The following BSN variants were observed in gnomAD, a reference collection of about 807,000 sequenced individuals.
The protein encoded by BSN is bassoon presynaptic cytomatrix protein, also known as protein bassoon.
In BSN, 57 loss-of-function variants were observed where a neutral mutation model predicts 264.8. That is an observed-to-expected ratio of 0.22 (90% CI 0.17 to 0.27). The LOEUF is 0.27. Among genes scored for constraint, BSN ranks in the 10% least tolerant of loss-of-function variants. The pLI is 1.00. For missense variants in BSN, 4,615 were observed against 5,232.5 expected (o/e 0.88, Z 3.64); for synonymous variants, 2,059 against 2,137.3 (o/e 0.96, Z 1.01).
rs750321596 is a variant in BSN at position 49,662,543 on chromosome 3, C to T, written c.10698C>T (p.Cys3566=). The T allele has an allele frequency of 6.9e-6, 11 of 1,591,922 alleles. No individual in the cohort carries two copies. The highest frequency in any genetic ancestry group is 5.3e-5 in the Admixed American group (3 of 56,890). Reference sequence around the variant, plus strand: ...GCTACATCCTGGATGATTCCCATTGCGTGGTTTCCGACAGCGAAGGTAATG... The same window carrying T: ...GCTACATCCTGGATGATTCCCATTGTGTGGTTTCCGACAGCGAAGGTAATG... ...EEGYILDDSH[C]VVSDSEAYHL... Residue 3566 remains cysteine (C), a synonymous_variant, in exon 6 of 12, where the codon TGC becomes TGT. Transcript: ENST00000296452.
intron 3 of BSN, among the ~76,000 whole-genome samples, chr3:49,643,987 G>A (rs932364733): frequency 1.3e-5 from 2 of 152,202 alleles, no homozygotes; most frequent in African/African-American, 4.8e-5. Context: ...AGGTGCCCTG[G>A]CAGAATTAGA....
At chr3:49,664,673 T>TG (rs2052698288) in intron 9 of BSN, 119 bp downstream of exon 9, 2 of 1,540,068 alleles carry the variant, frequency 1.3e-6, no homozygotes, top group South Asian at 2.4e-5. Context: ...CACCTGCTGA[T>TG]GCCCAGTTGT....
intron 1 of BSN, among the ~76,000 whole-genome samples, chr3:49,563,854 A>G (rs957337404): frequency 1.3e-5 from 2 of 152,170 alleles, no homozygotes; most frequent in Non-Finnish European, 2.9e-5. Flanking sequence ...AGATGATTCT[A>G]CTGCTGGAGA....
chr3:49,577,801 A>G (rs2051858035), intron 1 of BSN, among the ~76,000 whole-genome samples: 1 of 152,058 alleles, frequency 6.6e-6, no homozygotes, highest in Non-Finnish European at 1.5e-5. Flanking sequence ...CGGCCTCCCA[A>G]AGTGGTGGAA....
chr3:49,572,367 G>A (rs2051803872), intron 1 of BSN, among the ~76,000 whole-genome samples: 1 of 152,160 alleles, frequency 6.6e-6, no homozygotes, highest in Non-Finnish European at 1.5e-5. Context: ...GTGGGTGATG[G>A]ATCAAGGAAC....
chr3:49,600,006 C>T (rs1050248348), intron 1 of BSN, among the ~76,000 whole-genome samples: 1 of 152,202 alleles, frequency 6.6e-6, no homozygotes, highest in Admixed American at 6.5e-5. Context: ...GGGGCCTACA[C>T]AGGGATAGGC....
At chr3:49,664,980 G>C (rs2052701548) in intron 10 of BSN, 127 bp downstream of exon 10, 1 of 711,182 alleles carries the variant, frequency 1.4e-6, no homozygotes, top group South Asian at 1.6e-5. Context: ...TCAGTACCCA[G>C]AGCTGCAATG....
At position 49,655,143 on chromosome 3, in the gene BSN, G is replaced by C. The variant is rs772144606; in HGVS notation, c.5587G>C (p.Val1863Leu). Reference protein sequence around the residue: ...ALPGARKPHTVVVQMGEGTAG... With the variant: ...ALPGARKPHTLVVQMGEGTAG... Reference sequence around the variant, plus strand: ...GCCAGGTGCCAGGAAGCCACACACAGTGGTGGTGCAGATGGGAGAGGGCAC... The same window carrying C: ...GCCAGGTGCCAGGAAGCCACACACACTGGTGGTGCAGATGGGAGAGGGCAC... Residue 1863 changes from valine (V) to leucine (L), a missense_variant, in exon 5 of 12, where the codon GTG (valine) becomes CTG (leucine). By Grantham distance (32) the Val-to-Leu change is conservative. Around this residue, in one of 3 missense-constraint regions of BSN, gnomAD observed 3,415 missense variants for 3,866.4 expected, o/e 0.88. Coordinates refer to ENST00000296452, the MANE Select transcript of BSN (RefSeq NM_003458.4). 1.2e-5 allele frequency: 20 copies of C among 1,612,334 alleles called. No individual in the cohort carries two copies. Among genetic ancestry groups the C allele is most frequent in the Non-Finnish European group, 1.5e-5 (18 of 1,179,644 alleles).
At chr3:49,658,498 C>G (rs1450089625) in intron 5 of BSN, among the ~76,000 whole-genome samples, 1 of 152,218 alleles carries the variant, frequency 6.6e-6, no homozygotes, top group Non-Finnish European at 1.5e-5. Context: ...GGTCCAGCCC[C>G]TGCTACCTCC....
chr3:49,625,041 G>T lies in BSN; in HGVS notation c.291G>T (p.Lys97Asn), dbSNP rs771274778. The part of the protein sequence containing the change: ...GNQRAASPTP[K>N]QASATTPGHE... ...AGAGAGCAGCTTCCCCAACTCCGAA[G>T]CAGGCTTCTGCTACCACTCCTGGCC... Residue 97 changes from lysine (K) to asparagine (N), a missense_variant, in exon 2 of 12, where the codon AAG (lysine) becomes AAT (asparagine). By Grantham distance (94) the Lys-to-Asn change is moderately conservative. Transcript: ENST00000296452. This position sits in a 1 kb window ranked among gnomAD's most constrained non-coding sequence, Gnocchi z 4.4. 1.9e-6 allele frequency: 3 copies of T among 1,591,506 alleles called. No homozygotes were observed. Among genetic ancestry groups the T allele is most frequent in the Non-Finnish European group, 2.6e-6 (3 of 1,171,198 alleles).
At position 49,660,293 on chromosome 3, in the gene BSN, T is replaced by C. The variant is rs1286563626; in HGVS notation, c.8641-193T>C. Among the ~76,000 whole-genome samples the C allele has an allele frequency of 6.6e-6, 1 of 152,076 alleles. No homozygotes were observed. The highest frequency in any genetic ancestry group is 2.4e-5 in the African/African-American group (1 of 41,392). The stretch of plus-strand genomic sequence containing the variant: ...AGAAGGGCTGTAAAATAATCACAGA[T>C]CTTCCCTCTATGGCAAAGAAACCAA... On this transcript the variant is annotated intron_variant, in intron 5 of 11. Coordinates refer to ENST00000296452, the MANE Select transcript of BSN (RefSeq NM_003458.4). The surrounding 1 kb of genome is among the most constrained non-coding windows in gnomAD (Gnocchi z 7.1).
chr3:49,653,408 AAAG>A lies in BSN; in HGVS notation c.3856_3858del (p.Lys1286del), dbSNP rs778660395. On this transcript the variant is annotated inframe_deletion, in exon 5 of 12. Transcript: ENST00000296452. The surrounding 1 kb of genome is among the most constrained non-coding windows in gnomAD (Gnocchi z 6.3). ...GAGACCTGGCTTTTGCTGAGGACAAAAAGAAGGAGAAGCAGTTTCTAAATGCTG... is the reference window on the plus strand; with the variant it reads ...GAGACCTGGCTTTTGCTGAGGACAAAAAGGAGAAGCAGTTTCTAAATGCTG... The A allele has an allele frequency of 7.4e-6, 12 of 1,613,790 alleles. No homozygotes were observed. The highest frequency in any genetic ancestry group is 5.5e-5 in the South Asian group (5 of 91,080).
intron 1 of BSN, among the ~76,000 whole-genome samples, chr3:49,595,192 A>AT (rs770763102): frequency 0.029 from 3,109 of 105,846 alleles, 125 homozygotes; most frequent in African/African-American, 0.1. Context: ...CCTGGCCACA[A>AT]TTTTTTTTTT....
Position 49,638,586 on chromosome 3 carries a change from C to G in BSN, c.634-3682C>G, listed in dbSNP as rs1479913004. ...GGGAGGGTGCGGTCAAGGTTCCTTACCGTCTGGAAGAGGCTGGATAGAAAT... is the reference window on the plus strand; with the variant it reads ...GGGAGGGTGCGGTCAAGGTTCCTTAGCGTCTGGAAGAGGCTGGATAGAAAT... On this transcript the variant is annotated intron_variant, in intron 2 of 11. Transcript: ENST00000296452. The surrounding 1 kb of genome is among the most constrained non-coding windows in gnomAD (Gnocchi z 4.3). Among the ~76,000 whole-genome samples, 2 of 152,192 alleles carry G rather than the reference C, an allele frequency of 1.3e-5. No individual in the cohort carries two copies. The highest frequency in any genetic ancestry group is 4.8e-5 in the African/African-American group (2 of 41,442).
At chr3:49,611,593 G>T (rs1038644657) in intron 1 of BSN, among the ~76,000 whole-genome samples, 1 of 152,202 alleles carries the variant, frequency 6.6e-6, no homozygotes, top group African/African-American at 2.4e-5. Flanking sequence ...CTGTGGAAAG[G>T]TGGTTGAGAA....
chr3:49,564,382 G>C (rs1484401911), intron 1 of BSN, among the ~76,000 whole-genome samples: 1 of 152,214 alleles, frequency 6.6e-6, no homozygotes, highest in East Asian at 1.9e-4. Flanking sequence ...GTGGAGGCCT[G>C]CATGAGTCTC....
At chr3:49,624,050 G>A (rs1252203681) in intron 1 of BSN, among the ~76,000 whole-genome samples, 1 of 152,074 alleles carries the variant, frequency 6.6e-6, no homozygotes, top group African/African-American at 2.4e-5. Context: ...GCCCAGGCTG[G>A]AGTGCAGTGG....
intron 1 of BSN, among the ~76,000 whole-genome samples, chr3:49,569,590 G>A (rs955260968): frequency 2.6e-5 from 4 of 152,174 alleles, no homozygotes; most frequent in Non-Finnish European, 5.9e-5. Flanking sequence ...GACTCAGTGG[G>A]GGACGCTTGG....
Position 49,624,071 on chromosome 3 carries a change from G to T in BSN, c.225-904G>T, listed in dbSNP as rs1046137143. On this transcript the variant is annotated intron_variant, in intron 1 of 11. Coordinates refer to ENST00000296452, the MANE Select transcript of BSN (RefSeq NM_003458.4). The stretch of plus-strand genomic sequence containing the variant: ...GCTGGAGTGCAGTGGCACGATCTTG[G>T]CTCACTGCAAGCTCCACCTCCCGGG... 1.1e-4 allele frequency among the ~76,000 whole-genome samples: 16 copies of T among 151,974 alleles called. No homozygotes were observed. In the East Asian group the frequency reaches 3.1e-3, roughly 29 times the overall value.
Sources: gnomAD v4.1 joint callset for allele counts (sites outside exome capture counted in the v4.1 genomes callset) on GRCh38, gnomAD v4.1.1 for gene constraint, gnomAD v4.1.1 regional missense constraint, Gnocchi (gnomAD v3.1) non-coding constraint, MANE v1.5 for transcripts, NCBI Gene and HGNC (gene_info 2026-07-23, HGNC 2026-07-21) for gene names.